Variants in ZBTB8A observed in about 807,000 individuals in gnomAD.
The protein encoded by ZBTB8A is zinc finger and BTB domain-containing protein 8A.
Under a neutral mutation model 37.8 loss-of-function variants are expected in ZBTB8A, and 19 were observed. That is an observed-to-expected ratio of 0.50 (90% CI 0.35 to 0.74). ZBTB8A has a LOEUF of 0.74. Among genes scored for constraint, ZBTB8A ranks in the 30% least tolerant of loss-of-function variants. The pLI is 0.01. For missense variants in ZBTB8A, 394 were observed against 537.8 expected, an observed-to-expected ratio of 0.73 and a Z score of 2.65; for synonymous variants, 181 against 185.2, an observed-to-expected ratio of 0.98 and a Z score of 0.19.
intron 2 of ZBTB8A, among the ~76,000 whole-genome samples, chr1:32,592,661 C>T (rs1644498780): frequency 6.6e-6 from 1 of 152,012 alleles, no homozygotes; most frequent in South Asian, 2.1e-4. Context: ...CACCCGCCAC[C>T]ACGCCCAGCT....
At chr1:32,558,153 A>C (rs140921935) in intron 2 of ZBTB8A, among the ~76,000 whole-genome samples, 36 of 152,278 alleles carry the variant, frequency 2.4e-4, no homozygotes, top group African/African-American at 7.9e-4. Context: ...AAAGGAGGGA[A>C]GTAGGGAAGT....
intron 2 of ZBTB8A, among the ~76,000 whole-genome samples, chr1:32,589,885 T>C (rs954022386): frequency 4.0e-5 from 6 of 151,710 alleles, no homozygotes; most frequent in Non-Finnish European, 8.8e-5. Context: ...ATATTTGATA[T>C]CATGTTTATA....
At chr1:32,548,887 T>C (rs182301211) in intron 1 of ZBTB8A, among the ~76,000 whole-genome samples, 36 of 152,198 alleles carry the variant, frequency 2.4e-4, no homozygotes, top group African/African-American at 7.9e-4. Context: ...ATGCTCTCAT[T>C]GATAAAAAGA....
At position 32,602,360 on chromosome 1, in the gene ZBTB8A, C is replaced by T. The variant is rs1187963551; in HGVS notation, c.*1941C>T. ...AAAAAAAAAAAAAACTTCTCCCCTG[C>T]ATAAATTATGAAACATTCCAAAATT... On this transcript the variant is annotated 3_prime_UTR_variant, in exon 5 of 5. Transcript: ENST00000373510. The T allele has an allele frequency of 6.6e-6, 1 of 151,066 alleles. No individual in the cohort carries two copies. Among genetic ancestry groups the T allele is most frequent in the Non-Finnish European group, 1.5e-5 (1 of 67,920 alleles). The allele number at this position is 151,066 out of a possible 1,614,324, so 9.4% of individuals were successfully genotyped here.
At chr1:32,558,923 T>C (rs941365045) in intron 2 of ZBTB8A, among the ~76,000 whole-genome samples, 5 of 152,222 alleles carry the variant, frequency 3.3e-5, no homozygotes, top group Admixed American at 1.3e-4. Context: ...CAATGTTGCG[T>C]TGAATCTACA....
chr1:32,552,920 A>G (rs1444474626), intron 1 of ZBTB8A, among the ~76,000 whole-genome samples: 2 of 147,830 alleles, frequency 1.4e-5, no homozygotes, highest in African/African-American at 2.5e-5. Context: ...TAAATCATAT[A>G]TTACATATTT....
intron 1 of ZBTB8A, among the ~76,000 whole-genome samples, chr1:32,550,627 CAAAAAGA>C (rs1210010034): frequency 6.7e-6 from 1 of 148,890 alleles, no homozygotes; most frequent in African/African-American, 2.5e-5. Flanking sequence ...GTAGCAAAAA[CAAAAAGA>C]AAAAGGAAAA....
chr1:32,569,764 T>C (rs571530706), intron 2 of ZBTB8A, among the ~76,000 whole-genome samples: 79 of 151,336 alleles, frequency 5.2e-4, no homozygotes, highest in African/African-American at 1.8e-3. Flanking sequence ...CTTTTTCTTA[T>C]AGTTCATGCT....
At chr1:32,547,112 C>CA (rs2148213278) in intron 1 of ZBTB8A, among the ~76,000 whole-genome samples, 1 of 152,182 alleles carries the variant, frequency 6.6e-6, no homozygotes, top group South Asian at 2.1e-4. Context: ...CCATGTTGCC[C>CA]AGGCTGGTCT....
intron 2 of ZBTB8A, among the ~76,000 whole-genome samples, chr1:32,585,491 T>C (rs1570360203): frequency 1.3e-5 from 2 of 152,076 alleles, no homozygotes; most frequent in East Asian, 3.8e-4. Context: ...GGAATAAATC[T>C]AACAAAAATA....
chr1:32,544,798 C>T (rs1405087747), intron 1 of ZBTB8A, among the ~76,000 whole-genome samples: 3 of 152,124 alleles, frequency 2.0e-5, no homozygotes, highest in African/African-American at 7.2e-5. Context: ...AGTTGTTGAC[C>T]AAAATGTTAT....
At chr1:32,544,879 C>G (rs1294084945) in intron 1 of ZBTB8A, among the ~76,000 whole-genome samples, 3 of 152,170 alleles carry the variant, frequency 2.0e-5, no homozygotes, top group Non-Finnish European at 2.9e-5. Flanking sequence ...GGGTATACCA[C>G]ATTTTGTTTA....
chr1:32,601,422 C>T lies in ZBTB8A; in HGVS notation c.*1003C>T, dbSNP rs187883667. 88 of 356,318 alleles carry T rather than the reference C, an allele frequency of 2.5e-4. No homozygotes were observed. The highest frequency in any genetic ancestry group is 1.6e-3 in the African/African-American group (78 of 47,390). 22.1% of individuals were successfully genotyped at this position (356,318 alleles called of 1,614,324 possible). A position where few individuals can be genotyped will look rare whatever the true frequency, so the allele number is the denominator to read the frequency against. ...CTGGAAGGCAGAAGTTGCAGTGAGC[C>T]GAGATCACACCATTGCACTCCAGCC... On this transcript the variant is annotated 3_prime_UTR_variant, in exon 5 of 5. Coordinates refer to ENST00000373510, the MANE Select transcript of ZBTB8A (RefSeq NM_001040441.3).
chr1:32,566,974 G>A (rs1045863539), intron 2 of ZBTB8A, among the ~76,000 whole-genome samples: 1 of 152,144 alleles, frequency 6.6e-6, no homozygotes, highest in African/African-American at 2.4e-5. Context: ...GCCACTGGAG[G>A]TCAAAGTATT....
intron 2 of ZBTB8A, among the ~76,000 whole-genome samples, chr1:32,573,284 C>T (rs540216067): frequency 6.0e-5 from 9 of 149,058 alleles, no homozygotes; most frequent in Non-Finnish European, 1.2e-4. Context: ...GCACGTTGGT[C>T]AGGCTGGTCT....
intron 1 of ZBTB8A, 81 bp from the exon 2 acceptor site, chr1:32,553,378 A>G (rs957174936): frequency 6.6e-6 from 1 of 152,146 alleles, no homozygotes; most frequent in Admixed American, 6.6e-5. Flanking sequence ...GTTTATTTAA[A>G]TAAATATTAT....
chr1:32,577,586 C>CTTTT (rs775868211), intron 2 of ZBTB8A, among the ~76,000 whole-genome samples: 49 of 86,768 alleles, frequency 5.6e-4, no homozygotes, highest in Non-Finnish European at 6.4e-4. Context: ...ATATTGTATT[C>CTTTT]TTTTTTTTTT....
At chr1:32,580,856 G>C (rs1448018931) in intron 2 of ZBTB8A, among the ~76,000 whole-genome samples, 1 of 151,612 alleles carries the variant, frequency 6.6e-6, no homozygotes, top group Admixed American at 6.6e-5. Context: ...CCATGGCAAG[G>C]AAGCACAGGA....
At chr1:32,586,570 T>G (rs760942405) in intron 2 of ZBTB8A, among the ~76,000 whole-genome samples, 6 of 151,860 alleles carry the variant, frequency 4.0e-5, no homozygotes, top group Admixed American at 3.9e-4. Context: ...TCTGATAAGG[T>G]GACGTTGGAA....
Sources: allele counts gnomAD v4.1 joint callset (sites outside exome capture counted in the v4.1 genomes callset), GRCh38; gene constraint gnomAD v4.1.1; transcripts MANE v1.5; gene names NCBI Gene and HGNC (gene_info 2026-07-23, HGNC 2026-07-21).